Variants in ANKS1B observed in about 807,000 individuals in gnomAD.
The protein encoded by ANKS1B is ankyrin repeat and sterile alpha motif domain-containing protein 1B.
In ANKS1B, 36 loss-of-function variants were observed where a neutral mutation model predicts 148.3. The ratio of observed to expected loss-of-function variants is 0.24; its 90% confidence interval spans 0.19 to 0.32. The LOEUF (loss-of-function observed/expected upper bound fraction) is 0.32, where lower values mean the gene tolerates loss of function less well. ANKS1B is among the 10% of genes least tolerant of loss of function. The pLI, the probability that ANKS1B is intolerant of heterozygous loss-of-function variation, is 1.00. For missense variants in ANKS1B, 1,157 were observed against 1,542.6 expected (o/e 0.75, Z 4.19); for synonymous variants, 542 against 560.8 (o/e 0.97, Z 0.47).
intron 14 of ANKS1B, among the ~76,000 whole-genome samples, chr12:99,176,904 C>T (rs1207577495): frequency 2.6e-5 from 4 of 152,132 alleles, no homozygotes; most frequent in Non-Finnish European, 5.9e-5. Flanking sequence ...GCCAATTAAG[C>T]CTCTTTTCTT....
chr12:99,119,817 T>C (rs2062300638), intron 15 of ANKS1B, among the ~76,000 whole-genome samples: 1 of 152,188 alleles, frequency 6.6e-6, no homozygotes, highest in African/African-American at 2.4e-5. Context: ...ATTGCAACTG[T>C]AATTGAAACT....
intron 15 of ANKS1B, among the ~76,000 whole-genome samples, chr12:99,113,572 A>T (rs1202480180): frequency 6.6e-6 from 1 of 152,184 alleles, no homozygotes; most frequent in Non-Finnish European, 1.5e-5. Context: ...AAACATATTA[A>T]ATTGCCAAGA....
In ANKS1B at chr12:99,584,417, T is replaced by C. The variant is rs138295658; in HGVS notation, c.1272+70650A>G. On this transcript the variant is annotated intron_variant, in intron 9 of 26. Coordinates refer to ENST00000683438, the MANE Select transcript of ANKS1B (RefSeq NM_001352186.2). ...GAGTTTGAGATGAGCCTGGTCAACATGGTGAAACTCCGTCTCAATGAAAAA... is the reference window on the plus strand; with the variant it reads ...GAGTTTGAGATGAGCCTGGTCAACACGGTGAAACTCCGTCTCAATGAAAAA... Among the ~76,000 whole-genome samples, 1,093 of 152,024 alleles carry C rather than the reference T, an allele frequency of 7.2e-3. 13 individuals carry two copies. Among genetic ancestry groups the C allele is most frequent in the African/African-American group, 0.025 (1,031 of 41,446 alleles).
chr12:99,560,700 A>C (rs930879768), intron 9 of ANKS1B, among the ~76,000 whole-genome samples: 11 of 152,190 alleles, frequency 7.2e-5, no homozygotes, highest in African/African-American at 2.7e-4. Flanking sequence ...TATTGCTAAC[A>C]TGCTAACAAT....
chr12:99,401,905 T>C (rs2094414332), intron 11 of ANKS1B, among the ~76,000 whole-genome samples: 1 of 146,744 alleles, frequency 6.8e-6, no homozygotes, highest in Non-Finnish European at 1.5e-5. Context: ...AAAATGAAGT[T>C]TTATTGGAAC....
At chr12:99,959,490 T>G (rs2095377549) in intron 1 of ANKS1B, among the ~76,000 whole-genome samples, 2 of 152,104 alleles carry the variant, frequency 1.3e-5, no homozygotes, top group South Asian at 4.1e-4. Context: ...TATATTAAAA[T>G]CTAACATTAA....
At chr12:99,260,305 C>A (rs1367170235) in intron 12 of ANKS1B, among the ~76,000 whole-genome samples, 1 of 152,168 alleles carries the variant, frequency 6.6e-6, no homozygotes, top group Non-Finnish European at 1.5e-5. Context: ...AAATGAATAA[C>A]CACTCCGATT....
intron 4 of ANKS1B, among the ~76,000 whole-genome samples, chr12:99,791,260 G>A (rs1034229980): frequency 1.3e-5 from 2 of 151,862 alleles, no homozygotes; most frequent in Non-Finnish European, 2.9e-5. Context: ...AAACACTGGA[G>A]TACCCAGATA....
At chr12:99,133,130 C>A (rs1056777894) in intron 15 of ANKS1B, among the ~76,000 whole-genome samples, 5 of 150,324 alleles carry the variant, frequency 3.3e-5, no homozygotes, top group Non-Finnish European at 7.4e-5. Flanking sequence ...CGGCTCACTG[C>A]AACCTCTGCC....
Position 99,937,671 on chromosome 12 carries a change from A to T in ANKS1B, c.134+46433T>A, listed in dbSNP as rs76136342. Among the ~76,000 whole-genome samples, 1,325 of 152,274 alleles carry T rather than the reference A, an allele frequency of 8.7e-3. 24 individuals carry two copies. The highest frequency in any genetic ancestry group is 0.03 in the African/African-American group (1,259 of 41,568). On this transcript the variant is annotated intron_variant, in intron 1 of 26. Transcript: ENST00000683438. ...GCTATCATATTGCTACACTGATTTAACAAGGTGATCTGTATTCTCCCAAAT... is the reference window on the plus strand; with the variant it reads ...GCTATCATATTGCTACACTGATTTATCAAGGTGATCTGTATTCTCCCAAAT...
intron 15 of ANKS1B, among the ~76,000 whole-genome samples, chr12:99,123,497 T>A (rs1023156948): frequency 1.3e-5 from 2 of 151,568 alleles, no homozygotes; most frequent in African/African-American, 4.9e-5. Flanking sequence ...TATTAAGGAG[T>A]ATTGACTCAC....
At chr12:99,935,473 T>C (rs1350965754) in intron 1 of ANKS1B, among the ~76,000 whole-genome samples, 2 of 152,118 alleles carry the variant, frequency 1.3e-5, no homozygotes, top group Non-Finnish European at 2.9e-5. Context: ...TCTCACAGGC[T>C]GAAATCAAAA....
intron 9 of ANKS1B, among the ~76,000 whole-genome samples, chr12:99,550,219 C>A (rs116226048): frequency 1.8e-3 from 272 of 152,298 alleles, no homozygotes; most frequent in African/African-American, 6.2e-3. Flanking sequence ...TCCTAAGAAT[C>A]ACAGACATGT....
chr12:99,277,703 A>C (rs182259697), intron 12 of ANKS1B, among the ~76,000 whole-genome samples: 164 of 152,354 alleles, frequency 1.1e-3, no homozygotes, highest in African/African-American at 3.6e-3. Context: ...GGTTCAAGAT[A>C]GTATGTGCTT....
At chr12:99,588,140 CAG>C (rs969468624) in intron 9 of ANKS1B, among the ~76,000 whole-genome samples, 2 of 149,148 alleles carry the variant, frequency 1.3e-5, no homozygotes, top group African/African-American at 5.0e-5. Flanking sequence ...GCTCTGGAAA[CAG>C]AAAAAAAAAA....
intron 14 of ANKS1B, among the ~76,000 whole-genome samples, chr12:99,174,895 T>C (rs571761080): frequency 6.6e-6 from 1 of 152,204 alleles, no homozygotes; most frequent in Non-Finnish European, 1.5e-5. Flanking sequence ...TGCTTTTGTC[T>C]TGCAAATAAT....
intron 12 of ANKS1B, among the ~76,000 whole-genome samples, chr12:99,275,367 C>T (rs2077549536): frequency 6.6e-6 from 1 of 152,030 alleles, no homozygotes; most frequent in Non-Finnish European, 1.5e-5. Flanking sequence ...CTCTGATAAC[C>T]TTCATTTTAC....
chr12:99,557,768 T>C (rs1052575381), intron 9 of ANKS1B, among the ~76,000 whole-genome samples: 6 of 152,234 alleles, frequency 3.9e-5, no homozygotes, highest in African/African-American at 1.2e-4. Context: ...GTTCTTGCAC[T>C]GATTTTCTTA....
intron 10 of ANKS1B, among the ~76,000 whole-genome samples, chr12:99,492,886 C>A (rs533538639): frequency 2.0e-5 from 3 of 152,146 alleles, no homozygotes; most frequent in Non-Finnish European, 4.4e-5. Context: ...AAGGCACAGA[C>A]CTCAAAATAA....
Sources: gnomAD v4.1 joint callset for allele counts (sites outside exome capture counted in the v4.1 genomes callset) on GRCh38, gnomAD v4.1.1 for gene constraint, MANE v1.5 for transcripts, NCBI Gene and HGNC (gene_info 2026-07-23, HGNC 2026-07-21) for gene names.